MARK4: variants seen among roughly 807,000 people sequenced by gnomAD.
MARK4 encodes MAP/microtubule affinity-regulating kinase 4.
A neutral mutation model predicts 81.5 loss-of-function variants in MARK4; 19 were observed. The observed-to-expected ratio is 0.23, with a 90% CI of 0.16 to 0.34. The LOEUF is 0.34. Ranked by LOEUF, MARK4 falls within the 10% of genes least tolerant of loss-of-function variation. MARK4 has a pLI of 1.00. For synonymous variants in MARK4, 436 were observed against 439.0 expected (o/e 0.99, Z 0.08); for missense variants, 772 against 1,058.8 (o/e 0.73, Z 3.76).
chr19:45,271,889 A>T lies in MARK4; in HGVS notation c.786+181A>T. Among the ~76,000 whole-genome samples the T allele has an allele frequency of 6.6e-6, 1 of 152,198 alleles. No homozygotes were observed. Among genetic ancestry groups the T allele is most frequent in the African/African-American group, 2.4e-5 (1 of 41,460 alleles). The stretch of plus-strand genomic sequence containing the variant: ...TGAGGCCAGCCGAATGGACTGTGCC[A>T]TGCTGGGGTTAAGGGCATGATCTTT... On this transcript the variant is annotated intron_variant, in intron 8 of 16. Coordinates refer to ENST00000262891, the MANE Select transcript of MARK4 (RefSeq NM_001199867.2). This position sits in a 1 kb window ranked among gnomAD's most constrained non-coding sequence, Gnocchi z 4.1.
Position 45,302,234 on chromosome 19 carries a change from T to G in MARK4, c.1923-140T>G. On this transcript the variant is annotated intron_variant, in intron 16 of 16. Transcript: ENST00000262891. This position sits in a 1 kb window ranked among gnomAD's most constrained non-coding sequence, Gnocchi z 4.9. ...GGGCAGCTCTGTATCCAGTTGAAACTGTCGCTGGGGTAACAGGGGAAGATG... is the reference window on the plus strand; with the variant it reads ...GGGCAGCTCTGTATCCAGTTGAAACGGTCGCTGGGGTAACAGGGGAAGATG... 6.5e-7 allele frequency: 1 copy of G among 1,532,632 alleles called. No homozygotes were observed. The highest frequency in any genetic ancestry group is 2.3e-5 in the East Asian group (1 of 44,162). The allele number at this position is 1,532,632 out of a possible 1,614,324, so 94.9% of individuals were successfully genotyped here.
At chr19:45,263,742 A>G (rs1424370248) in intron 4 of MARK4, among the ~76,000 whole-genome samples, 1 of 138,132 alleles carries the variant, frequency 7.2e-6, no homozygotes, top group Non-Finnish European at 1.6e-5. Context: ...ACTTCATCTC[A>G]AAAAAAAAAA....
At chr19:45,253,085 A>G (rs1012799535) in intron 1 of MARK4, among the ~76,000 whole-genome samples, 3 of 151,098 alleles carry the variant, frequency 2.0e-5, no homozygotes, top group African/African-American at 7.3e-5. Context: ...CCACCACCCA[A>G]TCCTAGACTT....
At chr19:45,298,297 T>C (rs1234435592) in intron 15 of MARK4, 11 of 1,474,250 alleles carry the variant, frequency 7.5e-6, no homozygotes, top group Non-Finnish European at 1.0e-5. Flanking sequence ...GTGCGGGCAT[T>C]GGGAGGGGGC....
At chr19:45,287,324 T>C in intron 12 of MARK4, 123 bp from the exon 13 acceptor site, 1 of 579,864 alleles carries the variant, frequency 1.7e-6, no homozygotes, top group Non-Finnish European at 2.8e-6. Context: ...TGACAGATAT[T>C]GTCAGAATGG....
intron 13 of MARK4, 23 bp from the exon 14 acceptor site, chr19:45,294,326 C>T: frequency 6.2e-7 from 1 of 1,611,104 alleles, no homozygotes; most frequent in East Asian, 2.2e-5. Flanking sequence ...CCCTCACTCC[C>T]TTCCTGGCTG....
Position 45,258,614 on chromosome 19 carries a change from G to C in MARK4, c.52-375G>C, listed in dbSNP as rs1294828789. 2.0e-5 allele frequency among the ~76,000 whole-genome samples: 3 copies of C among 151,940 alleles called. No homozygotes were observed. The East Asian group carries it at 5.8e-4, about 29-fold the overall frequency. ...GCTCGGGAGGCTGAGGCAGGAAAATGGCTTGAACCCGGGAGGCAGAGGTTG... is the reference window on the plus strand; with the variant it reads ...GCTCGGGAGGCTGAGGCAGGAAAATCGCTTGAACCCGGGAGGCAGAGGTTG... On this transcript the variant is annotated intron_variant, in intron 1 of 16. Transcript: ENST00000262891.
At chr19:45,289,585 C>G (rs1307844305) in intron 13 of MARK4, among the ~76,000 whole-genome samples, 1 of 151,000 alleles carries the variant, frequency 6.6e-6, no homozygotes. Flanking sequence ...GCCTGGCCAC[C>G]ATGGTGAAAC....
intron 15 of MARK4, chr19:45,298,284 T>C: frequency 6.5e-7 from 1 of 1,543,786 alleles, no homozygotes; most frequent in Non-Finnish European, 9.0e-7. Flanking sequence ...GTCTGACCTG[T>C]GTGTGCGGGC....
chr19:45,267,349 G>A lies in MARK4; in HGVS notation c.549+1068G>A, dbSNP rs763655482. Among the ~76,000 whole-genome samples the A allele has an allele frequency of 3.9e-5, 6 of 152,100 alleles. 1 individual carries two copies. Among genetic ancestry groups the A allele is most frequent in the Admixed American group, 3.3e-4 (5 of 15,260 alleles). ...GCTGGGATTACAGATGTGAGCCACCGTGTCCAGTCTGAGAAGGGGCTTTGA... is the reference window on the plus strand; with the variant it reads ...GCTGGGATTACAGATGTGAGCCACCATGTCCAGTCTGAGAAGGGGCTTTGA... On this transcript the variant is annotated intron_variant, in intron 7 of 16. Transcript: ENST00000262891.
intron 13 of MARK4, among the ~76,000 whole-genome samples, chr19:45,289,385 CAAAAAAAAAAA>C (rs35129419): frequency 3.1e-4 from 16 of 51,528 alleles, no homozygotes; most frequent in East Asian, 6.0e-4. Flanking sequence ...GACTCTGTTT[CAAAAAAAAAAA>C]AAAAAAAAAA....
intron 12 of MARK4, among the ~76,000 whole-genome samples, chr19:45,282,284 C>A (rs1970686021): frequency 6.6e-6 from 1 of 151,262 alleles, no homozygotes; most frequent in East Asian, 1.9e-4. Context: ...GGCATGGAGA[C>A]TTCTGAGAGG....
chr19:45,305,219 A>T lies in MARK4; in HGVS notation c.*2509A>T, dbSNP rs1971035060. 6.6e-6 allele frequency: 1 copy of T among 152,426 alleles called. No individual in the cohort carries two copies. Among genetic ancestry groups the T allele is most frequent in the Admixed American group, 6.5e-5 (1 of 15,276 alleles). 9.4% of individuals were successfully genotyped at this position (152,426 alleles called of 1,614,324 possible). Reference sequence around the variant, plus strand: ...AGGTCCCCACTGGCGTGTGTGGTCTATGTAGCCTCTGGGTGTGGAGCTGGG... The same window carrying T: ...AGGTCCCCACTGGCGTGTGTGGTCTTTGTAGCCTCTGGGTGTGGAGCTGGG... On this transcript the variant is annotated 3_prime_UTR_variant, in exon 17 of 17. Transcript: ENST00000262891.
chr19:45,277,841 G>C, intron 8 of MARK4, 82 bp from the exon 9 acceptor site: 1 of 1,196,630 alleles, frequency 8.4e-7, no homozygotes, highest in Non-Finnish European at 1.2e-6. Flanking sequence ...GTGTGTGTGT[G>C]TGTGTGTGTG....
intron 12 of MARK4, 77 bp from the exon 13 acceptor site, chr19:45,287,370 C>G (rs980966512): frequency 1.5e-5 from 16 of 1,034,972 alleles, no homozygotes; most frequent in East Asian, 1.1e-4. Context: ...GAGGAATTCT[C>G]AGGTTCCAAC....
intron 1 of MARK4, among the ~76,000 whole-genome samples, chr19:45,258,040 C>T (rs1167388846): frequency 4.8e-5 from 7 of 146,300 alleles, no homozygotes; most frequent in South Asian, 2.2e-4. Context: ...GGCTAGAGTG[C>T]AGTAGAGCGA....
intron 2 of MARK4, among the ~76,000 whole-genome samples, chr19:45,260,692 C>G (rs560001616): frequency 0.012 from 1,486 of 127,946 alleles, 27 homozygotes; most frequent in African/African-American, 0.037. Flanking sequence ...GCAAGACCAT[C>G]TCAAAAAATA....
rs1380867404 is a variant in MARK4 at position 45,271,173 on chromosome 19, T to C, written c.550-299T>C. Among the ~76,000 whole-genome samples the C allele has an allele frequency of 1.3e-5, 2 of 152,244 alleles. No individual in the cohort carries two copies. Among genetic ancestry groups the C allele is most frequent in the African/African-American group, 4.8e-5 (2 of 41,466 alleles). ...CACCTGCCTTGGCCTCCCAAAGTGC[T>C]GGTATTATAGGCGTGAGCCACTATG... On this transcript the variant is annotated intron_variant, in intron 7 of 16. Coordinates refer to ENST00000262891, the MANE Select transcript of MARK4 (RefSeq NM_001199867.2). This position sits in a 1 kb window ranked among gnomAD's most constrained non-coding sequence, Gnocchi z 4.1.
Position 45,263,336 on chromosome 19 carries a change from C to T in MARK4, c.324C>T (p.Arg108=). ...SSLQKLFREV[R]IMKGLNHPNI... ...ACGCCCAGCTGTTCCGAGAAGTCCG[C>T]ATCATGAAGGGCCTAAACCACCCCA... The change falls in exon 4 of 17, where the codon CGC becomes CGT. Residue 108 remains arginine (R), a synonymous_variant. Transcript: ENST00000262891. 2.5e-6 allele frequency: 4 copies of T among 1,614,210 alleles called. No individual in the cohort carries two copies. The highest frequency in any genetic ancestry group is 3.4e-6 in the Non-Finnish European group (4 of 1,180,030).
Sources: gnomAD v4.1 joint callset for allele counts (sites outside exome capture counted in the v4.1 genomes callset) on GRCh38, gnomAD v4.1.1 for gene constraint, Gnocchi (gnomAD v3.1) non-coding constraint, MANE v1.5 for transcripts, NCBI Gene and HGNC (gene_info 2026-07-23, HGNC 2026-07-21) for gene names.